The following RALGPS2 variants were observed in gnomAD, a reference collection of about 807,000 sequenced individuals.
The protein encoded by RALGPS2 is Ral GEF with PH domain and SH3 binding motif 2.
A neutral mutation model predicts 86.8 loss-of-function variants in RALGPS2; 43 were observed. The observed-to-expected ratio is 0.50, with a 90% CI of 0.39 to 0.64. The LOEUF (loss-of-function observed/expected upper bound fraction) is 0.64, where lower values mean the gene tolerates loss of function less well. Among genes scored for constraint, RALGPS2 ranks in the 30% least tolerant of loss-of-function variants. The pLI is 0.00. For synonymous variants in RALGPS2, 243 were observed against 231.3 expected (o/e 1.05, Z -0.46); for missense variants, 536 against 694.6 (o/e 0.77, Z 2.57).
chr1:178,732,430 C>A (rs1650420729), intron 1 of RALGPS2, among the ~76,000 whole-genome samples: 1 of 152,092 alleles, frequency 6.6e-6, no homozygotes, highest in Non-Finnish European at 1.5e-5. Flanking sequence ...TCCCAAGTAG[C>A]TGGGACTACA....
At position 178,902,122 on chromosome 1, in the gene RALGPS2, A is replaced by G. The variant is rs773270931; in HGVS notation, c.1541A>G (p.Asn514Ser). 16 of 1,612,278 alleles carry G rather than the reference A, an allele frequency of 9.9e-6. No individual in the cohort carries two copies. The highest frequency in any genetic ancestry group is 4.5e-5 in the East Asian group (2 of 44,844). Residue 514 changes from asparagine to serine, a missense_variant, in exon 18 of 20, where the codon AAT (asparagine) becomes AGT (serine). By Grantham distance (46) the Asn-to-Ser change is conservative (BLOSUM62 1). This residue lies in a region of RALGPS2 where 309 missense variants were observed against 363.0 expected (regional missense o/e 0.85). Transcript: ENST00000367635. ...TTCTCTCAGTTCAAATCAACATCCA[A>G]TAAGAACGTATCTGTGATAGGATGG... ...TERKHFKSTS[N>S]KNVSVIGWMV... is the part of the protein sequence containing the mutation.
At chr1:178,851,274 G>A in intron 8 of RALGPS2, 1 of 1,613,254 alleles carries the variant, frequency 6.2e-7, no homozygotes, top group Non-Finnish European at 8.5e-7. Flanking sequence ...ATGTGCACAG[G>A]CATTGTACCA....
chr1:178,814,379 G>A (rs1031313031), intron 6 of RALGPS2, among the ~76,000 whole-genome samples: 2 of 152,096 alleles, frequency 1.3e-5, no homozygotes, highest in Non-Finnish European at 2.9e-5. Flanking sequence ...CTTATGTGAC[G>A]GTTGAAGCCC....
intron 14 of RALGPS2, among the ~76,000 whole-genome samples, chr1:178,891,947 T>C (rs1659730264): frequency 6.6e-6 from 1 of 151,954 alleles, no homozygotes; most frequent in Non-Finnish European, 1.5e-5. Flanking sequence ...TATAAATAGC[T>C]CTTTAATTCT....
intron 4 of RALGPS2, among the ~76,000 whole-genome samples, chr1:178,802,285 C>T (rs926948979): frequency 6.6e-6 from 1 of 152,088 alleles, no homozygotes; most frequent in Non-Finnish European, 1.5e-5. Context: ...CATAAGTTTA[C>T]ATAGTCTGTT....
At chr1:178,821,902 C>T (rs143943125) in intron 7 of RALGPS2, among the ~76,000 whole-genome samples, 198 bp downstream of exon 7, 1 of 152,172 alleles carries the variant, frequency 6.6e-6, no homozygotes, top group African/African-American at 2.4e-5. Flanking sequence ...TTTTTGGGTA[C>T]AGCTTGGTGC....
Position 178,821,617 on chromosome 1 carries a change from G to T in RALGPS2, c.393G>T (p.Leu131=). 1 of 1,610,412 alleles carries T rather than the reference G, an allele frequency of 6.2e-7. No individual in the cohort carries two copies. Among genetic ancestry groups the T allele is most frequent in the Non-Finnish European group, 8.5e-7 (1 of 1,178,740 alleles). ...ATTTTTTTTCAAATCTTCAGAAACT[G>T]TATGAGCTGAATAACCTTCATGCAC... ...LSHYIKTAKK[L]YELNNLHALM... is the part of the protein sequence containing the mutation. Residue 131 remains leucine (L), a synonymous_variant, in exon 7 of 20, where the codon CTG becomes CTT. Coordinates refer to ENST00000367635, the MANE Select transcript of RALGPS2 (RefSeq NM_152663.5).
At chr1:178,801,596 C>T (rs185051806) in intron 4 of RALGPS2, among the ~76,000 whole-genome samples, 168 of 152,162 alleles carry the variant, frequency 1.1e-3, no homozygotes, top group Middle Eastern at 3.4e-3. Flanking sequence ...GAAAGTCCGT[C>T]CAATTCTTAG....
At chr1:178,730,509 CTA>C (rs758219420) in intron 1 of RALGPS2, among the ~76,000 whole-genome samples, 13 of 151,264 alleles carry the variant, frequency 8.6e-5, no homozygotes, top group Non-Finnish European at 1.8e-4. Context: ...CTATTTGTCT[CTA>C]ATTTTTTTTT....
intron 7 of RALGPS2, among the ~76,000 whole-genome samples, chr1:178,830,431 C>G (rs2102242969): frequency 6.6e-6 from 1 of 152,104 alleles, no homozygotes; most frequent in East Asian, 1.9e-4. Context: ...CTTGTTTTTA[C>G]AGGATTCTGA....
At chr1:178,853,843 A>G in intron 8 of RALGPS2, 1 of 1,387,796 alleles carries the variant, frequency 7.2e-7, no homozygotes, top group African/African-American at 1.5e-5. Context: ...GAGACATGTT[A>G]AAAGTTTTTA....
intron 6 of RALGPS2, among the ~76,000 whole-genome samples, chr1:178,814,893 G>A (rs1655155557): frequency 6.6e-6 from 1 of 152,112 alleles, no homozygotes; most frequent in African/African-American, 2.4e-5. Context: ...TGCCAATTCT[G>A]GTGGATGTGA....
intron 1 of RALGPS2, among the ~76,000 whole-genome samples, chr1:178,774,115 A>C (rs1332558030): frequency 6.6e-6 from 1 of 152,016 alleles, no homozygotes; most frequent in African/African-American, 2.4e-5. Context: ...CTCTACTAAA[A>C]ATACCCAAAA....
chr1:178,868,586 C>T (rs1453969787), intron 8 of RALGPS2, among the ~76,000 whole-genome samples: 2 of 151,840 alleles, frequency 1.3e-5, no homozygotes, highest in Non-Finnish European at 2.9e-5. Flanking sequence ...CAGCTAAAAG[C>T]GCATCATCCA....
In RALGPS2 at chr1:178,731,264, T is replaced by C. The variant is rs573646256; in HGVS notation, c.-84+5845T>C. ...TTAGCAGATGATTATACTTTTCTAG[T>C]TGTTTTGGTTTTTTTTTTTTTTTTT... On this transcript the variant is annotated intron_variant, in intron 1 of 19. Transcript: ENST00000367635. Among the ~76,000 whole-genome samples the C allele has an allele frequency of 1.8e-3, 257 of 145,258 alleles. 2 individuals carry two copies. Among genetic ancestry groups the C allele is most frequent in the African/African-American group, 6.3e-3 (248 of 39,532 alleles).
intron 4 of RALGPS2, among the ~76,000 whole-genome samples, chr1:178,789,262 G>T (rs1371607471): frequency 6.6e-6 from 1 of 152,208 alleles, no homozygotes; most frequent in East Asian, 1.9e-4. Context: ...CATAGGGGAA[G>T]AAGAGGTGGT....
At chr1:178,847,711 T>A (rs949935389) in intron 8 of RALGPS2, among the ~76,000 whole-genome samples, 3 of 152,228 alleles carry the variant, frequency 2.0e-5, no homozygotes, top group Admixed American at 2.0e-4. Context: ...GGAAGGTTTA[T>A]TCTGCTGCTT....
intron 4 of RALGPS2, among the ~76,000 whole-genome samples, chr1:178,797,529 A>G (rs1029877726): frequency 6.6e-6 from 1 of 152,104 alleles, no homozygotes; most frequent in African/African-American, 2.4e-5. Flanking sequence ...TTGACATAAT[A>G]GATTCACAGG....
intron 16 of RALGPS2, 126 bp from the exon 17 acceptor site, chr1:178,897,538 C>T (rs562338149): frequency 2.8e-6 from 2 of 702,570 alleles, no homozygotes; most frequent in Non-Finnish European, 2.5e-6. Flanking sequence ...AGAAGTGATA[C>T]AGCTCAACTC....
Sources: gnomAD v4.1 joint callset for allele counts (sites outside exome capture counted in the v4.1 genomes callset) on GRCh38, gnomAD v4.1.1 for gene constraint, gnomAD v4.1.1 regional missense constraint, MANE v1.5 for transcripts, NCBI Gene and HGNC (gene_info 2026-07-23, HGNC 2026-07-21) for gene names.